Variants in CDH13 observed in about 807,000 individuals in gnomAD.
CDH13 encodes the protein cadherin 13.
Under a neutral mutation model 63.8 loss-of-function variants are expected in CDH13, and 24 were observed. The observed-to-expected ratio is 0.38, with a 90% CI of 0.27 to 0.53. The LOEUF is 0.53. Ranked by LOEUF, CDH13 falls within the 20% of genes least tolerant of loss-of-function variation. The pLI is 0.85. For synonymous variants in CDH13, 503 were observed against 355.3 expected (o/e 1.42, Z -4.67); for missense variants, 1,049 against 903.1 (o/e 1.16, Z -2.07).
At chr16:83,057,899 A>G (rs1210010154) in intron 3 of CDH13, among the ~76,000 whole-genome samples, 3 of 152,232 alleles carry the variant, frequency 2.0e-5, no homozygotes, top group African/African-American at 4.8e-5. Context: ...CTTAACATCA[A>G]TGGTAAGGTT....
Position 83,481,370 on chromosome 16 carries a change from C to G in CDH13, c.782-5107C>G, listed in dbSNP as rs368999330. ...TGTTAAGAACAGCATAATTTTGTCA[C>G]TGTCTTTTGGAGCATCCCCATCCTC... On this transcript the variant is annotated intron_variant, in intron 6 of 13. Transcript: ENST00000567109. 5.9e-5 allele frequency among the ~76,000 whole-genome samples: 9 copies of G among 152,344 alleles called. No individual in the cohort carries two copies. The South Asian group carries it at 1.7e-3, about 28-fold the overall frequency.
intron 1 of CDH13, among the ~76,000 whole-genome samples, chr16:82,656,818 A>G (rs2150918152): frequency 6.6e-6 from 1 of 151,686 alleles, no homozygotes; most frequent in South Asian, 2.1e-4. Flanking sequence ...AGAATGTCAT[A>G]TGGTTGGAAT....
At chr16:83,563,046 G>A (rs1046270681) in intron 7 of CDH13, among the ~76,000 whole-genome samples, 17 of 152,180 alleles carry the variant, frequency 1.1e-4, no homozygotes, top group African/African-American at 3.4e-4. Flanking sequence ...GGATTAGCTG[G>A]TCTACAAGAT....
At chr16:83,649,549 G>A (rs938393863) in intron 8 of CDH13, among the ~76,000 whole-genome samples, 4 of 152,146 alleles carry the variant, frequency 2.6e-5, no homozygotes, top group Admixed American at 1.3e-4. Context: ...ATAAGTTGAT[G>A]TGCAGGGAAG....
chr16:83,482,547 A>C (rs1192363110), intron 6 of CDH13, among the ~76,000 whole-genome samples: 1 of 152,236 alleles, frequency 6.6e-6, no homozygotes, highest in African/African-American at 2.4e-5. Context: ...CCTCGGAACC[A>C]ATTTAGAGAA....
chr16:83,426,147 C>G (rs529737022), intron 6 of CDH13, among the ~76,000 whole-genome samples: 1 of 152,206 alleles, frequency 6.6e-6, no homozygotes, highest in Admixed American at 6.5e-5. Flanking sequence ...TTCATCCATT[C>G]CTTCTCTGAA....
At chr16:83,523,517 C>A (rs926060532) in intron 7 of CDH13, among the ~76,000 whole-genome samples, 1 of 152,166 alleles carries the variant, frequency 6.6e-6, no homozygotes, top group Admixed American at 6.5e-5. Flanking sequence ...GCAGCCTGTA[C>A]CCTGCCAACC....
At chr16:83,355,921 C>T (rs1323995793) in intron 6 of CDH13, among the ~76,000 whole-genome samples, 1 of 152,138 alleles carries the variant, frequency 6.6e-6, no homozygotes, top group African/African-American at 2.4e-5. Context: ...GTCCAGGTTC[C>T]ACACCTACCT....
chr16:83,043,869 A>G (rs1917549974), intron 3 of CDH13, among the ~76,000 whole-genome samples: 3 of 152,100 alleles, frequency 2.0e-5, no homozygotes, highest in Non-Finnish European at 4.4e-5. Flanking sequence ...TATTCATAAG[A>G]TACCTTTTTA....
At chr16:82,678,319 C>CTTTTTT (rs11369498) in intron 1 of CDH13, among the ~76,000 whole-genome samples, 5 of 144,770 alleles carry the variant, frequency 3.5e-5, no homozygotes, top group East Asian at 2.0e-4. Flanking sequence ...ACAGAAAAAA[C>CTTTTTT]TTTTTTTTTT....
chr16:83,741,568 C>G (rs1912071926), intron 10 of CDH13, among the ~76,000 whole-genome samples: 1 of 151,882 alleles, frequency 6.6e-6, no homozygotes. Context: ...CATCTTCCAT[C>G]TATTACTATA....
At chr16:83,582,576 G>A (rs1421554572) in intron 7 of CDH13, among the ~76,000 whole-genome samples, 1 of 152,170 alleles carries the variant, frequency 6.6e-6, no homozygotes, top group Admixed American at 6.5e-5. Flanking sequence ...TTCTGAGGCT[G>A]CTGCCCATAA....
chr16:83,002,869 G>C (rs1597389162), intron 2 of CDH13, among the ~76,000 whole-genome samples: 1 of 152,160 alleles, frequency 6.6e-6, no homozygotes, highest in East Asian at 1.9e-4. Context: ...GGCAGCAAAG[G>C]CTGACAAGAC....
chr16:83,021,443 T>A (rs1915336472), intron 2 of CDH13, among the ~76,000 whole-genome samples: 1 of 152,248 alleles, frequency 6.6e-6, no homozygotes, highest in Admixed American at 6.5e-5. Flanking sequence ...AACGTAAGAC[T>A]GACACACATA....
At chr16:83,322,145 C>G (rs1383245998) in intron 5 of CDH13, among the ~76,000 whole-genome samples, 1 of 152,124 alleles carries the variant, frequency 6.6e-6, no homozygotes, top group Non-Finnish European at 1.5e-5. Context: ...TGAGGGGGGT[C>G]AGGAGCACAA....
At chr16:83,045,728 C>G (rs1335752384) in intron 3 of CDH13, among the ~76,000 whole-genome samples, 1 of 150,988 alleles carries the variant, frequency 6.6e-6, no homozygotes, top group African/African-American at 2.4e-5. Flanking sequence ...TTGATAAAGA[C>G]CATGGATTTT....
chr16:83,762,188 G>A (rs1914026831), intron 11 of CDH13, among the ~76,000 whole-genome samples: 1 of 152,190 alleles, frequency 6.6e-6, no homozygotes, highest in African/African-American at 2.4e-5. Context: ...ATGACTTGAT[G>A]AGTAAAGCCT....
At chr16:82,980,637 G>A (rs369438528) in intron 2 of CDH13, among the ~76,000 whole-genome samples, 9 of 152,270 alleles carry the variant, frequency 5.9e-5, no homozygotes, top group Non-Finnish European at 1.0e-4. Flanking sequence ...TATGGTCTCC[G>A]TGTTCTCTAG....
chr16:83,328,511 A>ACG (rs2090417870), intron 5 of CDH13, among the ~76,000 whole-genome samples: 1 of 152,190 alleles, frequency 6.6e-6, no homozygotes, highest in Non-Finnish European at 1.5e-5. Context: ...CAATTTACGT[A>ACG]TTCAAAGATC....
Sources: gnomAD v4.1 joint callset for allele counts (sites outside exome capture counted in the v4.1 genomes callset) on GRCh38, gnomAD v4.1.1 for gene constraint, MANE v1.5 for transcripts, NCBI Gene and HGNC (gene_info 2026-07-23, HGNC 2026-07-21) for gene names.